INSL6: variants seen among roughly 807,000 people sequenced by gnomAD.
INSL6 encodes the protein insulin like 6, also known as insulin-like peptide INSL6.
In INSL6, 16 loss-of-function variants were observed where a neutral mutation model predicts 9.4. The ratio of observed to expected loss-of-function variants is 1.70; its 90% CI spans 1.15 to 2.59. The LOEUF (loss-of-function observed/expected upper bound fraction) is 2.59. Among genes scored for constraint, INSL6 ranks in the 30% most tolerant of loss-of-function variants. The probability of loss-of-function intolerance (pLI) is 0.00; values close to 1 mark genes in which losing one functional copy is unlikely to be tolerated. For missense variants in INSL6, 391 were observed against 257.3 expected, an observed-to-expected ratio of 1.52 and a Z score of -3.56; for synonymous variants, 154 against 96.9, an observed-to-expected ratio of 1.59 and a Z score of -3.46.
At chr9:5,125,811 C>G (rs931343407) in intron 3 of INSL6, among the ~76,000 whole-genome samples, 4 of 145,994 alleles carry the variant, frequency 2.7e-5, no homozygotes, top group African/African-American at 1.0e-4. Context: ...TGTGCTTTGC[C>G]TATCTTTATA....
At chr9:5,165,842 A>G (rs1350147603) in intron 1 of INSL6, among the ~76,000 whole-genome samples, 2 of 152,178 alleles carry the variant, frequency 1.3e-5, no homozygotes, top group Admixed American at 6.5e-5. Context: ...GCTCATCTAC[A>G]GTACCTTCTA....
chr9:5,172,703 C>A (rs1292593613), intron 1 of INSL6, among the ~76,000 whole-genome samples: 1 of 152,072 alleles, frequency 6.6e-6, no homozygotes, highest in Non-Finnish European at 1.5e-5. Flanking sequence ...CCGAGGTGGG[C>A]AGATACCTGA....
At chr9:5,104,772 G>A in the INSL6 span, among the ~76,000 whole-genome samples, 14 of 152,250 alleles carry the variant, frequency 9.2e-5, no homozygotes, top group East Asian at 1.9e-3. Flanking sequence ...ATCAATAAAC[G>A]TAATCCATAA....
the INSL6 span, among the ~76,000 whole-genome samples, chr9:5,089,411 G>A: frequency 5.9e-5 from 9 of 152,010 alleles, no homozygotes; most frequent in Admixed American, 1.3e-4. Flanking sequence ...ATTGGCGGGC[G>A]CCTGTATTCC....
chr9:5,078,165 C>A, the INSL6 span: 1 of 603,434 alleles, frequency 1.7e-6, no homozygotes, highest in South Asian at 2.9e-5. Context: ...CATAAATTTC[C>A]TTTTTTCTCA....
the INSL6 span, chr9:5,100,282 G>C: frequency 6.6e-6 from 1 of 152,082 alleles, no homozygotes; most frequent in Non-Finnish European, 1.5e-5. Context: ...CCCAGCCCCT[G>C]ACCACTAACA....
At chr9:5,135,647 C>T (rs1824375137) in intron 2 of INSL6, among the ~76,000 whole-genome samples, 1 of 152,236 alleles carries the variant, frequency 6.6e-6, no homozygotes. Flanking sequence ...ATTTATAGCA[C>T]TAAGTGCCCA....
the INSL6 span, chr9:5,022,318 C>A: frequency 1.5e-6 from 1 of 674,732 alleles, no homozygotes; most frequent in Non-Finnish European, 2.4e-6. Context: ...TTTTTTAATG[C>A]TTGTATGGCT....
chr9:5,162,618 C>G (rs1327915033), downstream of INSL6, among the ~76,000 whole-genome samples: 3 of 152,118 alleles, frequency 2.0e-5, no homozygotes, highest in Admixed American at 6.5e-5. Context: ...ACCACTGAAC[C>G]GTAATATAAT....
At chr9:5,008,698 T>A in the INSL6 span, among the ~76,000 whole-genome samples, 1 of 152,188 alleles carries the variant, frequency 6.6e-6, no homozygotes, top group African/African-American at 2.4e-5. Flanking sequence ...TTGCTTTGAT[T>A]TGTATCGGTA....
chr9:5,165,564 T>C (rs1259895284), intron 1 of INSL6, among the ~76,000 whole-genome samples: 1 of 152,240 alleles, frequency 6.6e-6, no homozygotes, highest in East Asian at 1.9e-4. Context: ...TATATCCTCT[T>C]TGAAGAAATG....
chr9:5,144,546 T>C (rs1398607864), intron 2 of INSL6, among the ~76,000 whole-genome samples: 4 of 152,148 alleles, frequency 2.6e-5, no homozygotes, highest in Non-Finnish European at 5.9e-5. Flanking sequence ...CTTTGTTAAT[T>C]TTCTGTCTTG....
the INSL6 span, among the ~76,000 whole-genome samples, chr9:5,046,418 T>C: frequency 6.6e-6 from 1 of 152,222 alleles, no homozygotes; most frequent in Non-Finnish European, 1.5e-5. Context: ...GGCTGTATTC[T>C]AATTTATCTA....
At chr9:5,009,342 A>G in the INSL6 span, among the ~76,000 whole-genome samples, 2 of 152,332 alleles carry the variant, frequency 1.3e-5, no homozygotes, top group African/African-American at 4.8e-5. Context: ...AAAATTGTGT[A>G]TAGTGGCTAC....
At chr9:5,080,027 T>C in the INSL6 span, among the ~76,000 whole-genome samples, 1 of 152,204 alleles carries the variant, frequency 6.6e-6, no homozygotes, top group Non-Finnish European at 1.5e-5. Context: ...TTGTTAAAGA[T>C]GAAATATTGA....
the INSL6 span, chr9:5,097,664 C>G: frequency 6.6e-6 from 1 of 152,218 alleles, no homozygotes; most frequent in Admixed American, 6.5e-5. Flanking sequence ...ATCAAATGAT[C>G]TCCCGCAATG....
chr9:5,036,934 A>C, the INSL6 span, among the ~76,000 whole-genome samples: 4 of 152,218 alleles, frequency 2.6e-5, no homozygotes, highest in Admixed American at 6.5e-5. Context: ...CAACCTACAG[A>C]ATGGGAGAAC....
downstream of INSL6, chr9:5,163,808 T>C: frequency 1.3e-6 from 1 of 742,314 alleles, no homozygotes; most frequent in Admixed American, 2.4e-5. Flanking sequence ...GCAAGTACAT[T>C]CAGACATTTT....
intron 1 of INSL6, among the ~76,000 whole-genome samples, chr9:5,168,540 T>C (rs1029305274): frequency 1.3e-5 from 2 of 151,246 alleles, no homozygotes; most frequent in Non-Finnish European, 3.0e-5. Flanking sequence ...GAAAAAAGAA[T>C]GAAAAGGAAT....
Sources: gnomAD v4.1 joint callset for allele counts (sites outside exome capture counted in the v4.1 genomes callset) on GRCh38, gnomAD v4.1.1 for gene constraint, MANE v1.5 for transcripts, NCBI Gene and HGNC (gene_info 2026-07-23, HGNC 2026-07-21) for gene names.